Variants in HS6ST3 observed in about 807,000 individuals in gnomAD.
HS6ST3 encodes the protein heparan-sulfate 6-O-sulfotransferase 3.
HS6ST3 carries 12 observed loss-of-function variants against 36.7 expected under a neutral mutation model. That is an observed-to-expected ratio of 0.33 (90% CI 0.21 to 0.53). The LOEUF (loss-of-function observed/expected upper bound fraction) is 0.53. Among genes scored for constraint, HS6ST3 ranks in the 20% least tolerant of loss-of-function variants. HS6ST3 has a pLI of 0.95. For missense variants in HS6ST3, 584 were observed against 640.9 expected (o/e 0.91, Z 0.96); for synonymous variants, 240 against 257.5 (o/e 0.93, Z 0.65).
chr13:96,566,490 T>C (rs570346739), intron 1 of HS6ST3, among the ~76,000 whole-genome samples: 1 of 152,194 alleles, frequency 6.6e-6, no homozygotes, highest in South Asian at 2.1e-4. Flanking sequence ...TTGACTCTAG[T>C]AGAAACTCTT....
intron 1 of HS6ST3, among the ~76,000 whole-genome samples, chr13:96,290,328 T>C (rs1257511167): frequency 6.6e-6 from 1 of 152,018 alleles, no homozygotes; most frequent in African/African-American, 2.4e-5. Flanking sequence ...ATGGGTTCAA[T>C]AGGCAGGTAA....
At chr13:96,324,253 G>C (rs7320735) in intron 1 of HS6ST3, among the ~76,000 whole-genome samples, 55,225 of 152,002 alleles carry the variant, frequency 0.36, 10,339 homozygotes, top group African/African-American at 0.43. Context: ...ATATCTTTAA[G>C]ATAGGAGTAT....
intron 1 of HS6ST3, among the ~76,000 whole-genome samples, chr13:96,453,785 A>C (rs999780805): frequency 1.3e-5 from 2 of 152,242 alleles, no homozygotes; most frequent in Non-Finnish European, 1.5e-5. Context: ...TTAGTACATA[A>C]CACCCCTTCT....
At chr13:96,571,592 TG>T (rs896672191) in intron 1 of HS6ST3, among the ~76,000 whole-genome samples, 24 of 152,344 alleles carry the variant, frequency 1.6e-4, no homozygotes, top group African/African-American at 5.3e-4. Flanking sequence ...AAGATTCTTT[TG>T]GAGTCTCTGC....
At chr13:96,534,620 G>A (rs2056148047) in intron 1 of HS6ST3, among the ~76,000 whole-genome samples, 1 of 152,152 alleles carries the variant, frequency 6.6e-6, no homozygotes, top group South Asian at 2.1e-4. Flanking sequence ...ACCAGTCTTG[G>A]CATTGCCACA....
At chr13:96,417,281 G>T (rs1323328951) in intron 1 of HS6ST3, among the ~76,000 whole-genome samples, 1 of 152,082 alleles carries the variant, frequency 6.6e-6, no homozygotes, top group Non-Finnish European at 1.5e-5. Flanking sequence ...GAGGTTTAGA[G>T]CAAAACAAAG....
intron 1 of HS6ST3, among the ~76,000 whole-genome samples, chr13:96,788,857 G>A (rs1349508930): frequency 6.6e-6 from 1 of 151,684 alleles, no homozygotes; most frequent in African/African-American, 2.4e-5. Flanking sequence ...GCTTTCTTTT[G>A]ATTAGTGTTT....
chr13:96,242,842 A>T, intron 1 of HS6ST3, among the ~76,000 whole-genome samples: 1 of 152,174 alleles, frequency 6.6e-6, no homozygotes, highest in Non-Finnish European at 1.5e-5. Flanking sequence ...TTTCAATTCT[A>T]AAAAAATTGA....
intron 1 of HS6ST3, among the ~76,000 whole-genome samples, chr13:96,155,259 G>A (rs1338205559): frequency 6.6e-6 from 1 of 152,012 alleles, no homozygotes; most frequent in Non-Finnish European, 1.5e-5. Context: ...CCTAACAGAG[G>A]TGGTATCATG....
chr13:96,296,735 C>T (rs2054856747), intron 1 of HS6ST3, among the ~76,000 whole-genome samples: 1 of 152,012 alleles, frequency 6.6e-6, no homozygotes, highest in Non-Finnish European at 1.5e-5. Context: ...TTAAATTTCC[C>T]AAGTTATATC....
At chr13:96,608,972 T>C (rs2056448295) in intron 1 of HS6ST3, among the ~76,000 whole-genome samples, 1 of 151,868 alleles carries the variant, frequency 6.6e-6, no homozygotes. Flanking sequence ...TTTATTTATA[T>C]TTATTTATTT....
At chr13:96,414,153 A>C (rs2055521540) in intron 1 of HS6ST3, among the ~76,000 whole-genome samples, 1 of 152,226 alleles carries the variant, frequency 6.6e-6, no homozygotes, top group Non-Finnish European at 1.5e-5. Flanking sequence ...GGCTTTAAGA[A>C]ATAGGGTATT....
At chr13:96,756,174 TC>T (rs1296372884) in intron 1 of HS6ST3, among the ~76,000 whole-genome samples, 1 of 152,188 alleles carries the variant, frequency 6.6e-6, no homozygotes, top group Non-Finnish European at 1.5e-5. Context: ...TTCAAATCTT[TC>T]CCCCATTATT....
At chr13:96,503,558 TG>T (rs2056014116) in intron 1 of HS6ST3, among the ~76,000 whole-genome samples, 1 of 152,162 alleles carries the variant, frequency 6.6e-6, no homozygotes, top group African/African-American at 2.4e-5. Flanking sequence ...GATTTATTAC[TG>T]GAGGAACACT....
rs201224495 is a variant in HS6ST3, at chr13:96,689,609, T to TC, written c.708-142881_708-142880insC. ...GTAGTTTTTGCTTTCTTTCTTTCTT[T>TC]TTTTTTTTTTTTTGGTGATTGTATG... On this transcript the variant is annotated intron_variant, in intron 1 of 1. Transcript: ENST00000376705. 5.1e-3 allele frequency among the ~76,000 whole-genome samples: 745 copies of TC among 145,468 alleles called. 4 individuals are homozygous for TC. The highest frequency in any genetic ancestry group is 0.018 in the African/African-American group (704 of 39,642).
chr13:96,184,867 G>A (rs941399240), intron 1 of HS6ST3, among the ~76,000 whole-genome samples: 3 of 151,998 alleles, frequency 2.0e-5, no homozygotes, highest in African/African-American at 4.8e-5. Flanking sequence ...CAAATTCCAC[G>A]AGGGTAAGGA....
chr13:96,325,916 A>G (rs532703865), intron 1 of HS6ST3, among the ~76,000 whole-genome samples: 1 of 152,274 alleles, frequency 6.6e-6, no homozygotes, highest in South Asian at 2.1e-4. Context: ...AGATATGGTA[A>G]TATATACACA....
At chr13:96,436,856 T>C (rs1224464935) in intron 1 of HS6ST3, among the ~76,000 whole-genome samples, 1 of 152,178 alleles carries the variant, frequency 6.6e-6, no homozygotes, top group East Asian at 1.9e-4. Flanking sequence ...GTATTTTTGT[T>C]ATGGCAGCCC....
intron 1 of HS6ST3, among the ~76,000 whole-genome samples, chr13:96,225,393 C>T (rs959971027): frequency 6.6e-6 from 1 of 152,192 alleles, no homozygotes; most frequent in Admixed American, 6.5e-5. Context: ...TAGGAAACAT[C>T]AGACTTTAAT....
Sources: gnomAD v4.1 joint callset for allele counts (sites outside exome capture counted in the v4.1 genomes callset) on GRCh38, gnomAD v4.1.1 for gene constraint, MANE v1.5 for transcripts, NCBI Gene and HGNC (gene_info 2026-07-23, HGNC 2026-07-21) for gene names.